The following GRIK2 variants were observed in gnomAD, a reference collection of about 807,000 sequenced individuals.
The protein encoded by GRIK2 is glutamate ionotropic receptor kainate type subunit 2, also known as glutamate receptor ionotropic, kainate 2.
GRIK2 carries 32 observed loss-of-function variants against 100.3 expected under a neutral mutation model. The observed-to-expected ratio is 0.32, with a 90% CI of 0.24 to 0.43. The LOEUF is 0.43. Among genes scored for constraint, GRIK2 ranks in the 20% least tolerant of loss-of-function variants. The pLI, the probability that GRIK2 is intolerant of heterozygous loss-of-function variation, is 1.00. For synonymous variants in GRIK2, 417 were observed against 389.4 expected (o/e 1.07, Z -0.83); for missense variants, 843 against 1,114.9 (o/e 0.76, Z 3.47).
At chr6:101,816,328 C>T (rs1781627447) in intron 9 of GRIK2, among the ~76,000 whole-genome samples, 2 of 152,068 alleles carry the variant, frequency 1.3e-5, no homozygotes, top group Non-Finnish European at 2.9e-5. Context: ...TCATTCACTG[C>T]AAAATACTAT....
chr6:101,724,573 T>G (rs2128367316), intron 7 of GRIK2, among the ~76,000 whole-genome samples: 1 of 152,108 alleles, frequency 6.6e-6, no homozygotes, highest in African/African-American at 2.4e-5. Flanking sequence ...ATGTAACACA[T>G]TTTGTTTACT....
chr6:101,963,125 C>T (rs1792408514), intron 14 of GRIK2, among the ~76,000 whole-genome samples: 1 of 151,170 alleles, frequency 6.6e-6, no homozygotes, highest in Admixed American at 6.6e-5. Flanking sequence ...TGTCCTCTCT[C>T]CTTTACCAGT....
chr6:102,042,929 C>CTGTT lies in GRIK2; in HGVS notation c.2311+7365_2311+7368dup, dbSNP rs1409485272. On this transcript the variant is annotated intron_variant, in intron 15 of 16. Transcript: ENST00000369134. ...TGTCAGAACCAGTAAAAATAGTTGG[C>CTGTT]TGTTTCATTACAGGTTGATAACATT... Among the ~76,000 whole-genome samples the CTGTT allele has an allele frequency of 2.6e-5, 4 of 151,720 alleles. No individual in the cohort carries two copies. In the East Asian group the frequency reaches 7.8e-4, roughly 29 times the overall value.
chr6:101,395,623 A>G (rs1244943641), intron 1 of GRIK2, among the ~76,000 whole-genome samples: 3 of 152,232 alleles, frequency 2.0e-5, no homozygotes, highest in East Asian at 3.8e-4. Flanking sequence ...GTGCCCAAGA[A>G]TAAGAGGTCA....
At chr6:101,942,080 G>A (rs2012405848) in intron 14 of GRIK2, among the ~76,000 whole-genome samples, 1 of 151,978 alleles carries the variant, frequency 6.6e-6, no homozygotes, top group Admixed American at 6.6e-5. Context: ...GATGATGGAT[G>A]CTCTAGCTAT....
intron 7 of GRIK2, among the ~76,000 whole-genome samples, chr6:101,731,334 AC>A (rs1203285691): frequency 6.6e-5 from 10 of 152,008 alleles, no homozygotes; most frequent in African/African-American, 2.4e-4. Flanking sequence ...TGTACTAAGA[AC>A]TTTAGGAAGG....
intron 7 of GRIK2, among the ~76,000 whole-genome samples, chr6:101,764,519 G>A (rs1272926479): frequency 6.6e-6 from 1 of 152,066 alleles, no homozygotes; most frequent in East Asian, 1.9e-4. Context: ...GAAGAAATAT[G>A]TGAAAGTGTA....
chr6:101,898,746 A>G (rs1002710189), intron 12 of GRIK2, among the ~76,000 whole-genome samples: 3 of 151,994 alleles, frequency 2.0e-5, no homozygotes, highest in African/African-American at 7.2e-5. Flanking sequence ...AAAGAATAAA[A>G]CAACATTGTG....
chr6:101,782,299 TTCTA>T (rs1228019348), intron 7 of GRIK2, among the ~76,000 whole-genome samples: 1 of 152,204 alleles, frequency 6.6e-6, no homozygotes, highest in African/African-American at 2.4e-5. Flanking sequence ...AACTTATTTC[TTCTA>T]TCTAACTGTA....
intron 2 of GRIK2, among the ~76,000 whole-genome samples, chr6:101,532,462 C>T (rs1582656395): frequency 6.6e-6 from 1 of 151,540 alleles, no homozygotes; most frequent in African/African-American, 2.4e-5. Flanking sequence ...ATTTTTAGTC[C>T]TGCACCAGGT....
chr6:101,924,513 T>C, intron 12 of GRIK2, 88 bp from the exon 13 acceptor site: 2 of 740,834 alleles, frequency 2.7e-6, no homozygotes, highest in Non-Finnish European at 4.9e-6. Flanking sequence ...CTTATCTGTC[T>C]TTTTGTTTCT....
intron 2 of GRIK2, among the ~76,000 whole-genome samples, chr6:101,412,703 C>T (rs1775938951): frequency 6.6e-6 from 1 of 151,850 alleles, no homozygotes; most frequent in South Asian, 2.1e-4. Context: ...GAAAATGCAT[C>T]CAGTGGTGTG....
chr6:102,065,953 CTGTT>C, intron 16 of GRIK2: 1 of 1,269,662 alleles, frequency 7.9e-7, no homozygotes. Flanking sequence ...ACAAGAAACA[CTGTT>C]TCCATATACT....
chr6:101,803,740 A>G (rs961316658), intron 9 of GRIK2, among the ~76,000 whole-genome samples: 2 of 151,974 alleles, frequency 1.3e-5, no homozygotes, highest in African/African-American at 2.4e-5. Context: ...TCTGCATAAA[A>G]TGGCAGTGCT....
chr6:101,980,353 T>A (rs1037074845), intron 14 of GRIK2, among the ~76,000 whole-genome samples: 1 of 151,988 alleles, frequency 6.6e-6, no homozygotes, highest in Admixed American at 6.6e-5. Flanking sequence ...AGCTCTTTTT[T>A]GAGGGAAGCA....
intron 6 of GRIK2, 121 bp from the exon 7 acceptor site, chr6:101,686,059 C>T (rs1009351309): frequency 1.5e-5 from 9 of 615,286 alleles, no homozygotes; most frequent in Middle Eastern, 4.4e-4. Context: ...TGATGTTTAA[C>T]GTCACTTGAC....
chr6:101,586,035 A>T (rs1201563851), intron 2 of GRIK2, among the ~76,000 whole-genome samples: 1 of 152,086 alleles, frequency 6.6e-6, no homozygotes, highest in Non-Finnish European at 1.5e-5. Context: ...TTCACATTGC[A>T]AGTTACTGTA....
At chr6:101,534,152 A>G (rs1775577871) in intron 2 of GRIK2, among the ~76,000 whole-genome samples, 1 of 149,338 alleles carries the variant, frequency 6.7e-6, no homozygotes, top group South Asian at 2.1e-4. Flanking sequence ...TTTTTTTTGA[A>G]ATATACATTT....
intron 7 of GRIK2, among the ~76,000 whole-genome samples, chr6:101,757,060 C>G (rs1777178402): frequency 6.6e-6 from 1 of 152,066 alleles, no homozygotes; most frequent in Non-Finnish European, 1.5e-5. Context: ...AAAAATCTTG[C>G]TTTAAATAGC....
Sources: gnomAD v4.1 joint callset for allele counts (sites outside exome capture counted in the v4.1 genomes callset) on GRCh38, gnomAD v4.1.1 for gene constraint, MANE v1.5 for transcripts, NCBI Gene and HGNC (gene_info 2026-07-23, HGNC 2026-07-21) for gene names.